SYT14: variants seen among roughly 807,000 people sequenced by gnomAD.
SYT14 encodes the protein synaptotagmin-14.
In SYT14, 32 loss-of-function variants were observed where a neutral mutation model predicts 74.2. That is an observed-to-expected ratio of 0.43 (90% CI 0.33 to 0.58). The LOEUF (loss-of-function observed/expected upper bound fraction) is 0.58, where lower values mean the gene tolerates loss of function less well. SYT14 is among the 20% of genes least tolerant of loss of function. SYT14 has a pLI of 0.05. For missense variants in SYT14, 791 were observed against 981.8 expected (o/e 0.81, Z 2.60); for synonymous variants, 298 against 337.7 (o/e 0.88, Z 1.29).
intron 5 of SYT14, among the ~76,000 whole-genome samples, chr1:210,033,010 C>T (rs945190505): frequency 2.0e-5 from 3 of 151,450 alleles, no homozygotes; most frequent in Non-Finnish European, 4.4e-5. Context: ...TTACTGCTGT[C>T]GTACAAACTA....
At chr1:210,099,384 A>T (rs530993474) in intron 6 of SYT14, among the ~76,000 whole-genome samples, 1 of 149,484 alleles carries the variant, frequency 6.7e-6, no homozygotes, top group East Asian at 1.9e-4. Context: ...AGAAAATAAT[A>T]TGTTTTTAAT....
intron 2 of SYT14, chr1:209,966,005 G>T: frequency 2.2e-6 from 1 of 446,644 alleles, no homozygotes; most frequent in Non-Finnish European, 4.5e-6. Flanking sequence ...CAAGTAACTG[G>T]GACTACAGGT....
At chr1:209,942,192 T>C (rs987196365) in intron 1 of SYT14, among the ~76,000 whole-genome samples, 7 of 152,202 alleles carry the variant, frequency 4.6e-5, no homozygotes, top group Non-Finnish European at 1.0e-4. Flanking sequence ...ATTATGCCAT[T>C]GTCCAGAAGC....
At chr1:210,161,594 G>T in exon 10 of SYT14, 1 of 453,960 alleles carries the variant, frequency 2.2e-6, no homozygotes, top group Non-Finnish European at 4.4e-6. Context: ...TGTGCACTTA[G>T]GTTCATTGTG....
chr1:210,056,082 A>T (rs2081090732), intron 5 of SYT14, among the ~76,000 whole-genome samples: 1 of 152,198 alleles, frequency 6.6e-6, no homozygotes, highest in African/African-American at 2.4e-5. Flanking sequence ...TATTCACTTT[A>T]AAAATTGATA....
chr1:209,957,015 G>C (rs890374393), intron 2 of SYT14, among the ~76,000 whole-genome samples: 1 of 151,584 alleles, frequency 6.6e-6, no homozygotes, highest in African/African-American at 2.4e-5. Context: ...TTCTTCTGCA[G>C]AAGCTATGTA....
intron 5 of SYT14, among the ~76,000 whole-genome samples, chr1:210,031,945 C>G (rs371352931): frequency 3.9e-5 from 6 of 152,090 alleles, no homozygotes; most frequent in African/African-American, 9.7e-5. Flanking sequence ...TATTCTTTCT[C>G]TCTTTGCTAT....
At chr1:210,052,249 C>G (rs1370874429) in intron 5 of SYT14, among the ~76,000 whole-genome samples, 1 of 151,348 alleles carries the variant, frequency 6.6e-6, no homozygotes, top group Non-Finnish European at 1.5e-5. Flanking sequence ...GATACAGAGT[C>G]TTGCTCTGTC....
At chr1:210,063,577 C>A (rs1287325556) in intron 5 of SYT14, among the ~76,000 whole-genome samples, 1 of 151,772 alleles carries the variant, frequency 6.6e-6, no homozygotes, top group Non-Finnish European at 1.5e-5. Context: ...TTCTTGATTA[C>A]TTTTAATGCA....
chr1:210,059,497 G>A (rs1190155803), intron 5 of SYT14, among the ~76,000 whole-genome samples: 1 of 137,786 alleles, frequency 7.3e-6, no homozygotes, highest in African/African-American at 2.7e-5. Context: ...GACATGAATA[G>A]GATTACATTA....
intron 7 of SYT14, among the ~76,000 whole-genome samples, chr1:210,137,088 A>G (rs764568261): frequency 2.6e-5 from 4 of 152,140 alleles, no homozygotes; most frequent in Non-Finnish European, 5.9e-5. Context: ...ATGCTTGAAA[A>G]TTTTATACAA....
At chr1:209,976,077 A>T in intron 2 of SYT14, among the ~76,000 whole-genome samples, 1 of 151,670 alleles carries the variant, frequency 6.6e-6, no homozygotes, top group South Asian at 2.1e-4. Flanking sequence ...TATTGCATCT[A>T]TTTGATTCTT....
chr1:210,164,444 A>T (rs528252951), exon 10 of SYT14: 19 of 170,096 alleles, frequency 1.1e-4, no homozygotes, highest in Non-Finnish European at 2.0e-4. Flanking sequence ...CATTTCACTT[A>T]TCAAGTGAAT....
chr1:210,112,299 G>C (rs1051039485), intron 7 of SYT14, among the ~76,000 whole-genome samples: 1 of 151,264 alleles, frequency 6.6e-6, no homozygotes, highest in African/African-American at 2.5e-5. Context: ...AACAATCCCT[G>C]AGGAGGAGTG....
chr1:209,965,857 AT>A, intron 2 of SYT14: 1 of 446,782 alleles, frequency 2.2e-6, no homozygotes, highest in Non-Finnish European at 4.5e-6. Context: ...TTATATATTT[AT>A]CGGTTTATTT....
intron 7 of SYT14, among the ~76,000 whole-genome samples, chr1:210,144,939 A>G (rs28417505): frequency 0.034 from 4,998 of 148,558 alleles, 543 homozygotes; most frequent in East Asian, 0.24. Context: ...TAGCAACCCA[A>G]TATGTGTCAG....
At chr1:210,027,310 G>T (rs2080434700) in intron 5 of SYT14, among the ~76,000 whole-genome samples, 1 of 151,774 alleles carries the variant, frequency 6.6e-6, no homozygotes, top group Admixed American at 6.6e-5. Flanking sequence ...AATTTCTCAG[G>T]ATGCCAAGTC....
chr1:209,990,548 T>TACGTATATATATGTATATACATATAC (rs59238920), intron 2 of SYT14, among the ~76,000 whole-genome samples: 1 of 68,050 alleles, frequency 1.5e-5, no homozygotes, highest in Non-Finnish European at 3.8e-5. Flanking sequence ...CGTATATATA[T>TACGTATATATATGTATATACATATAC]GTATATATAT....
chr1:210,169,891 G>C (rs867859022), exon 10 of SYT14: 1 of 151,870 alleles, frequency 6.6e-6, no homozygotes, highest in Non-Finnish European at 1.5e-5. Flanking sequence ...AGCTCAATTA[G>C]TGGAATCTTT....
Sources: allele counts gnomAD v4.1 joint callset (sites outside exome capture counted in the v4.1 genomes callset), GRCh38; gene constraint gnomAD v4.1.1; transcripts MANE v1.5; gene names NCBI Gene and HGNC (gene_info 2026-07-23, HGNC 2026-07-21).